ADNP: variants seen among roughly 807,000 people sequenced by gnomAD.
ADNP encodes activity-dependent neuroprotector homeobox protein.
A neutral mutation model predicts 84.9 loss-of-function variants in ADNP; 4 were observed. That is an observed-to-expected ratio of 0.05 (90% CI 0.02 to 0.11). ADNP has a LOEUF of 0.11. Among genes scored for constraint, ADNP ranks in the 10% least tolerant of loss-of-function variants. ADNP has a pLI of 1.00. For synonymous variants in ADNP, 554 were observed against 468.1 expected, an observed-to-expected ratio of 1.18 and a Z score of -2.37; for missense variants, 1,132 against 1,326.0, an observed-to-expected ratio of 0.85 and a Z score of 2.27.
intron 1 of ADNP, among the ~76,000 whole-genome samples, chr20:50,929,048 C>T (rs1984473346): frequency 6.6e-6 from 1 of 151,414 alleles, no homozygotes; most frequent in South Asian, 2.1e-4. Context: ...ACCAACAAGG[C>T]TTTGCAAATC....
intron 2 of ADNP, among the ~76,000 whole-genome samples, chr20:50,917,051 G>A (rs1269824876): frequency 6.6e-6 from 1 of 152,180 alleles, no homozygotes; most frequent in Non-Finnish European, 1.5e-5. Flanking sequence ...ATTAGCAGCT[G>A]AGGTGAAGCA....
At chr20:50,918,770 A>G (rs1983704657) in intron 2 of ADNP, among the ~76,000 whole-genome samples, 1 of 152,248 alleles carries the variant, frequency 6.6e-6, no homozygotes, top group Non-Finnish European at 1.5e-5. Context: ...TAGAAGAACA[A>G]GAGGAGAGGT....
intron 2 of ADNP, among the ~76,000 whole-genome samples, chr20:50,909,142 G>A (rs764074616): frequency 6.5e-4 from 98 of 151,468 alleles, no homozygotes; most frequent in African/African-American, 2.3e-3. Flanking sequence ...AGGCCGAGGC[G>A]GGCGGAACAC....
chr20:50,902,060 C>G lies in ADNP; in HGVS notation c.158G>C (p.Trp53Ser), dbSNP rs141983216. The G allele has an allele frequency of 1.2e-6, 2 of 1,613,808 alleles. No homozygotes were observed. The highest frequency in any genetic ancestry group is 8.5e-7 in the Non-Finnish European group (1 of 1,179,866). ...TGGGTCCCACAGTCCTACATCCTCCCATGTAGTGTTTTTCAAATAAAAGTC... is the reference window on the plus strand; with the variant it reads ...TGGGTCCCACAGTCCTACATCCTCCGATGTAGTGTTTTTCAAATAAAAGTC... ...PNDFYLKNTT[W>S]EDVGLWDPSL... Residue 53 changes from tryptophan (W) to serine (S), a missense_variant, in exon 5 of 6, where the codon TGG (tryptophan) becomes TCG (serine). This residue lies in a region of ADNP where 56 missense variants were observed against 94.6 expected (regional missense o/e 0.59). Transcript: ENST00000621696.
At chr20:50,919,704 T>A (rs1055913503) in intron 2 of ADNP, among the ~76,000 whole-genome samples, 3 of 152,160 alleles carry the variant, frequency 2.0e-5, no homozygotes, top group African/African-American at 4.8e-5. Flanking sequence ...GGCCATTAAC[T>A]TAGGTGAAGA....
chr20:50,889,719 T>G lies in ADNP; in HGVS notation c.*1686A>C. On this transcript the variant is annotated 3_prime_UTR_variant, in exon 6 of 6. Coordinates refer to ENST00000621696, the MANE Select transcript of ADNP (RefSeq NM_001282531.3). Reference sequence around the variant, plus strand: ...TGGAGTTTCCCATCATTGTTTTAATTGCTGGAAATGTTGGCCTAATTCTGC... The same window carrying G: ...TGGAGTTTCCCATCATTGTTTTAATGGCTGGAAATGTTGGCCTAATTCTGC... The G allele has an allele frequency of 2.5e-6, 1 of 394,374 alleles. No individual in the cohort carries two copies. The highest frequency in any genetic ancestry group is 4.5e-6 in the Non-Finnish European group (1 of 223,878). 24.4% of individuals were successfully genotyped at this position (394,374 alleles called of 1,614,324 possible).
rs552004895 is a variant in ADNP, at chr20:50,889,683, T to G, written c.*1722A>C. On this transcript the variant is annotated 3_prime_UTR_variant, in exon 6 of 6. Coordinates refer to ENST00000621696, the MANE Select transcript of ADNP (RefSeq NM_001282531.3). ...CTATCCTTGAGGTGACTGACCAGCC[T>G]CCTCATGGATTGGAGTTTCCCATCA... The G allele has an allele frequency of 2.6e-6, 1 of 389,868 alleles. No homozygotes were observed. The highest frequency in any genetic ancestry group is 4.5e-6 in the Non-Finnish European group (1 of 221,096). 24.2% of individuals were successfully genotyped at this position (389,868 alleles called of 1,614,324 possible). A position where few individuals can be genotyped will look rare whatever the true frequency, so the allele number is the denominator to read the frequency against.
In ADNP at chr20:50,919,285, TTAAGTGTATATA is replaced by T. The variant is rs1344971789; in HGVS notation, c.-90+9354_-90+9365del. On this transcript the variant is annotated intron_variant, in intron 2 of 5. Coordinates refer to ENST00000621696, the MANE Select transcript of ADNP (RefSeq NM_001282531.3). ...GACCAGCCTGAAAAAATACATATATTTAAGTGTATATATATATATATATATATATATGTAAAA... is the reference window on the plus strand; with the variant it reads ...GACCAGCCTGAAAAAATACATATATTTATATATATATATATATATGTAAAA... Among the ~76,000 whole-genome samples the T allele has an allele frequency of 3.8e-3, 326 of 85,504 alleles. 12 individuals are homozygous for T. The highest frequency in any genetic ancestry group is 0.023 in the African/African-American group (307 of 13,614). 56.1% of individuals were successfully genotyped at this position (85,504 alleles called of 152,430 possible).
chr20:50,927,076 T>C (rs1188989864), intron 2 of ADNP, among the ~76,000 whole-genome samples: 4 of 152,232 alleles, frequency 2.6e-5, no homozygotes, highest in African/African-American at 9.6e-5. Context: ...TAAGCCATTT[T>C]TGCCTGATAA....
intron 2 of ADNP, among the ~76,000 whole-genome samples, chr20:50,910,595 T>G (rs1033034748): frequency 6.6e-6 from 1 of 152,060 alleles, no homozygotes; most frequent in Non-Finnish European, 1.5e-5. Flanking sequence ...TCTAAATAAA[T>G]AGAGAGTAAC....
Position 50,892,713 on chromosome 20 carries a change from G to A in ADNP, c.2001C>T (p.Cys667=), listed in dbSNP as rs749251874. The change falls in exon 6 of 6, where the codon TGC becomes TGT. Residue 667 remains cysteine (C), a synonymous_variant. Transcript: ENST00000621696. The stretch of plus-strand genomic sequence containing the variant: ...TCATGTTGCTGGTATACACACCAAG[G>A]CAATGGATACATTTGTAGGTGAGCT... ...EKKLTYKCIH[C]LGVYTSNMTA... 1.5e-5 allele frequency: 24 copies of A among 1,614,066 alleles called. No homozygotes were observed. In the South Asian group the frequency reaches 2.5e-4, roughly 17 times the overall value.
intron 2 of ADNP, among the ~76,000 whole-genome samples, chr20:50,919,229 G>A (rs1175536830): frequency 1.3e-5 from 2 of 150,678 alleles, no homozygotes; most frequent in African/African-American, 4.9e-5. Context: ...GAAGGCTGAG[G>A]TGGGAGGATT....
chr20:50,902,065 A>G lies in ADNP; in HGVS notation c.153T>C (p.Thr51=). The G allele has an allele frequency of 6.2e-7, 1 of 1,613,948 alleles. No individual in the cohort carries two copies. Among genetic ancestry groups the G allele is most frequent in the Admixed American group, 1.7e-5 (1 of 60,002 alleles). Residue 51 remains threonine, a synonymous_variant, in exon 5 of 6, where the codon ACT becomes ACC. Transcript: ENST00000621696. ...FEPNDFYLKN[T]TWEDVGLWDP... Reference sequence around the variant, plus strand: ...CCCACAGTCCTACATCCTCCCATGTAGTGTTTTTCAAATAAAAGTCATTAG... The same window carrying G: ...CCCACAGTCCTACATCCTCCCATGTGGTGTTTTTCAAATAAAAGTCATTAG...
In ADNP at chr20:50,894,314, T is replaced by C. The variant is rs745629038; in HGVS notation, c.400A>G (p.Ser134Gly). 18 of 1,613,696 alleles carry C rather than the reference T, an allele frequency of 1.1e-5. No homozygotes were observed. Among genetic ancestry groups the C allele is most frequent in the Non-Finnish European group, 1.5e-5 (18 of 1,179,946 alleles). Residue 134 changes from serine (S) to glycine (G), a missense_variant, in exon 6 of 6, where the codon AGC becomes GGC. By Grantham distance (56) the Ser-to-Gly change is moderately conservative. This residue lies in a region of ADNP where 130 missense variants were observed against 183.7 expected (regional missense o/e 0.71). Coordinates refer to ENST00000621696, the MANE Select transcript of ADNP (RefSeq NM_001282531.3). ...HIKIFHAPNASAPSSSLSTFK... is the reference protein window; with the variant it reads ...HIKIFHAPNAGAPSSSLSTFK... ...GTGCTGAGGCTGCTACTTGGTGCGC[T>C]GGCGTTCGGAGCATGAAATATTTTA...
intron 5 of ADNP, among the ~76,000 whole-genome samples, chr20:50,897,433 T>C (rs1981521861): frequency 6.6e-6 from 1 of 152,216 alleles, no homozygotes; most frequent in African/African-American, 2.4e-5. Context: ...GGAGCTCCTG[T>C]TGTCCTCATC....
chr20:50,903,781 G>A, intron 4 of ADNP, 108 bp downstream of exon 4: 2 of 788,578 alleles, frequency 2.5e-6, no homozygotes, highest in South Asian at 3.5e-5. Flanking sequence ...CTACTGCTGT[G>A]GCTGAAATTC....
chr20:50,898,973 C>T (rs546065149), intron 5 of ADNP, among the ~76,000 whole-genome samples: 28 of 152,214 alleles, frequency 1.8e-4, no homozygotes, highest in African/African-American at 6.3e-4. Flanking sequence ...AAGATTATAA[C>T]GGGGCTGAAA....
chr20:50,918,912 GTAAA>G (rs1437247486), intron 2 of ADNP, among the ~76,000 whole-genome samples: 1 of 151,972 alleles, frequency 6.6e-6, no homozygotes. Flanking sequence ...CAATCTAATG[GTAAA>G]TAAACAGCCT....
chr20:50,909,246 CCTA>C (rs1438321142), intron 2 of ADNP, among the ~76,000 whole-genome samples: 2 of 151,144 alleles, frequency 1.3e-5, no homozygotes, highest in African/African-American at 4.9e-5. Flanking sequence ...TGTCTGTAAT[CCTA>C]CTACTAGGAA....
Sources: allele counts gnomAD v4.1 joint callset (sites outside exome capture counted in the v4.1 genomes callset), GRCh38; gene constraint gnomAD v4.1.1; regional missense constraint gnomAD v4.1.1; transcripts MANE v1.5; gene names NCBI Gene and HGNC (gene_info 2026-07-23, HGNC 2026-07-21).